The following STEAP1B variants were observed in gnomAD, a reference collection of about 807,000 sequenced individuals.
STEAP1B encodes STEAP family member 1B.
Under a neutral mutation model 27.9 loss-of-function variants are expected in STEAP1B, and 13 were observed. That is an observed-to-expected ratio of 0.47 (90% CI 0.30 to 0.74). The LOEUF is 0.74. Ranked by LOEUF, STEAP1B falls within the 30% of genes least tolerant of loss-of-function variation. The pLI is 0.06. For synonymous variants in STEAP1B, 86 were observed against 107.1 expected, an observed-to-expected ratio of 0.80 and a Z score of 1.22; for missense variants, 250 against 298.7, an observed-to-expected ratio of 0.84 and a Z score of 1.20.
At chr7:22,454,751 G>C (rs966771343) in intron 4 of STEAP1B, among the ~76,000 whole-genome samples, 36 of 125,016 alleles carry the variant, frequency 2.9e-4, no homozygotes, top group African/African-American at 9.7e-4. Context: ...GAACCAGGAA[G>C]CAAAACTCTT....
chr7:22,477,205 T>C (rs1056680936), intron 4 of STEAP1B, among the ~76,000 whole-genome samples: 4 of 152,204 alleles, frequency 2.6e-5, no homozygotes, highest in South Asian at 2.1e-4. Flanking sequence ...GGGTGACCCA[T>C]TGGGTCACAT....
chr7:22,468,045 T>A (rs199708960), intron 4 of STEAP1B, among the ~76,000 whole-genome samples: 1 of 152,236 alleles, frequency 6.6e-6, no homozygotes, highest in Non-Finnish European at 1.5e-5. Flanking sequence ...CAGGACATAT[T>A]TCTGCTAAAG....
At chr7:22,453,035 C>T (rs1250906684) in intron 4 of STEAP1B, among the ~76,000 whole-genome samples, 1 of 152,136 alleles carries the variant, frequency 6.6e-6, no homozygotes, top group East Asian at 1.9e-4. Context: ...TTTCATACAG[C>T]CCCCAGATTG....
intron 4 of STEAP1B, among the ~76,000 whole-genome samples, chr7:22,476,226 C>T (rs2128412178): frequency 6.6e-6 from 1 of 152,296 alleles, no homozygotes; most frequent in East Asian, 1.9e-4. Context: ...GACTTAGTGG[C>T]TTAAGCAACA....
chr7:22,499,011 T>C (rs73685811), intron 1 of STEAP1B, among the ~76,000 whole-genome samples: 16,152 of 152,218 alleles, frequency 0.11, 1,054 homozygotes, highest in African/African-American at 0.17. Flanking sequence ...TTGTTGGTTT[T>C]CATCAGACAT....
chr7:22,432,220 C>A lies in STEAP1B; in HGVS notation c.763-12384G>T, dbSNP rs1030508515. 3.3e-5 allele frequency among the ~76,000 whole-genome samples: 5 copies of A among 152,120 alleles called. No homozygotes were observed. The South Asian group carries it at 8.3e-4, about 25-fold the overall frequency. On this transcript the variant is annotated intron_variant, in intron 4 of 4. Coordinates refer to ENST00000678116, the MANE Select transcript of STEAP1B (RefSeq NM_001382447.1). ...AATCTGCTTGTGCCTTGATTTTGAACTTCCAAGCCTCTAGAACTGTGAGAA... is the reference window on the plus strand; with the variant it reads ...AATCTGCTTGTGCCTTGATTTTGAAATTCCAAGCCTCTAGAACTGTGAGAA...
At position 22,500,003 on chromosome 7, in the gene STEAP1B, T is replaced by A. The variant is rs1004099288; in HGVS notation, c.-32+111A>T. The A allele has an allele frequency of 2.0e-5, 3 of 152,574 alleles. No individual in the cohort carries two copies. In the East Asian group the frequency reaches 5.8e-4, roughly 30 times the overall value. The allele number at this position is 152,574 out of a possible 1,614,324, so 9.5% of individuals were successfully genotyped here. Reference sequence around the variant, plus strand: ...GCCGCCGTCCAGGTCACGAGAAGGCTTGCGACCCGCTACACCCCTCCCAAG... The same window carrying A: ...GCCGCCGTCCAGGTCACGAGAAGGCATGCGACCCGCTACACCCCTCCCAAG... On this transcript the variant is annotated intron_variant, in intron 1 of 4. Transcript: ENST00000678116.
intron 4 of STEAP1B, among the ~76,000 whole-genome samples, chr7:22,479,004 C>A (rs1380547629): frequency 6.6e-6 from 1 of 152,096 alleles, no homozygotes; most frequent in African/African-American, 2.4e-5. Flanking sequence ...GAGAGGCAGG[C>A]CTGGGAGGAG....
intron 4 of STEAP1B, among the ~76,000 whole-genome samples, chr7:22,461,040 G>A (rs993841278): frequency 3.3e-5 from 5 of 152,134 alleles, no homozygotes; most frequent in African/African-American, 7.2e-5. Flanking sequence ...AAAAACTGCC[G>A]CTTTCCTGGG....
intron 4 of STEAP1B, among the ~76,000 whole-genome samples, chr7:22,465,481 C>A (rs1170841989): frequency 2.0e-5 from 3 of 152,160 alleles, no homozygotes; most frequent in African/African-American, 7.2e-5. Context: ...TTTGTTCATA[C>A]TGATATGTAT....
intron 4 of STEAP1B, among the ~76,000 whole-genome samples, chr7:22,479,369 G>A (rs1036690881): frequency 6.6e-6 from 1 of 152,206 alleles, no homozygotes; most frequent in East Asian, 1.9e-4. Flanking sequence ...ACATTATGCT[G>A]CATAGTATTT....
chr7:22,488,090 C>T (rs554178346), intron 4 of STEAP1B, among the ~76,000 whole-genome samples: 9 of 152,296 alleles, frequency 5.9e-5, no homozygotes, highest in African/African-American at 2.2e-4. Context: ...ATACCTCCAA[C>T]CACATCTGAA....
At chr7:22,483,619 C>A (rs973841888) in intron 4 of STEAP1B, among the ~76,000 whole-genome samples, 1 of 152,156 alleles carries the variant, frequency 6.6e-6, no homozygotes, top group Non-Finnish European at 1.5e-5. Context: ...CAAAATTTTT[C>A]ATTATCATTA....
chr7:22,432,585 T>A (rs1785201812), intron 4 of STEAP1B, among the ~76,000 whole-genome samples: 1 of 151,822 alleles, frequency 6.6e-6, no homozygotes, highest in Non-Finnish European at 1.5e-5. Context: ...TAAGGAAAAA[T>A]AAATTCCATT....
At chr7:22,484,311 G>T (rs572007323) in intron 4 of STEAP1B, among the ~76,000 whole-genome samples, 1 of 152,276 alleles carries the variant, frequency 6.6e-6, no homozygotes, top group South Asian at 2.1e-4. Flanking sequence ...ACTGTAAGTG[G>T]AAGCGAATGC....
intron 4 of STEAP1B, among the ~76,000 whole-genome samples, chr7:22,490,941 A>G (rs1028624712): frequency 1.3e-5 from 2 of 152,260 alleles, no homozygotes; most frequent in African/African-American, 4.8e-5. Context: ...CTTCAGTTCA[A>G]ACAAACTCCT....
chr7:22,470,708 C>A (rs1297613007), intron 4 of STEAP1B, among the ~76,000 whole-genome samples: 1 of 152,122 alleles, frequency 6.6e-6, no homozygotes, highest in African/African-American at 2.4e-5. Flanking sequence ...TGGTGAAAAA[C>A]ATAGGGTCTG....
intron 1 of STEAP1B, among the ~76,000 whole-genome samples, chr7:22,495,105 C>T (rs935885765): frequency 6.6e-6 from 1 of 152,236 alleles, no homozygotes; most frequent in African/African-American, 2.4e-5. Flanking sequence ...TCTTTATCCA[C>T]TTATTTGTTC....
intron 4 of STEAP1B, among the ~76,000 whole-genome samples, chr7:22,491,702 T>G (rs1242250380): frequency 1.3e-5 from 2 of 152,124 alleles, no homozygotes; most frequent in East Asian, 3.9e-4. Flanking sequence ...AAATTGTTGA[T>G]TAGACCAGAA....
Sources: allele counts gnomAD v4.1 joint callset (sites outside exome capture counted in the v4.1 genomes callset), GRCh38; gene constraint gnomAD v4.1.1; transcripts MANE v1.5; gene names NCBI Gene and HGNC (gene_info 2026-07-23, HGNC 2026-07-21).